SGCD: variants seen among roughly 807,000 people sequenced by gnomAD.
SGCD encodes the protein delta-sarcoglycan.
A neutral mutation model predicts 36.6 loss-of-function variants in SGCD; 18 were observed. That is an observed-to-expected ratio of 0.49 (90% CI 0.34 to 0.73). The LOEUF is 0.73. Among genes scored for constraint, SGCD ranks in the 30% least tolerant of loss-of-function variants. The pLI, the probability that SGCD is intolerant of heterozygous loss-of-function variation, is 0.01. For missense variants in SGCD, 387 were observed against 346.7 expected (o/e 1.12, Z -0.92); for synonymous variants, 133 against 130.6 (o/e 1.02, Z -0.12).
chr5:155,877,145 A>G (rs1166961184), intron 1 of SGCD, among the ~76,000 whole-genome samples: 3 of 152,122 alleles, frequency 2.0e-5, no homozygotes, highest in Non-Finnish European at 4.4e-5. Context: ...CAAATGCTAC[A>G]AGAAGAGGGT....
At chr5:156,482,169 T>C (rs1204085182) in intron 3 of SGCD, among the ~76,000 whole-genome samples, 1 of 152,192 alleles carries the variant, frequency 6.6e-6, no homozygotes, top group Non-Finnish European at 1.5e-5. Context: ...TGTTGGATTC[T>C]AGTGCTATGG....
chr5:156,227,230 T>C (rs1030598546), intron 3 of SGCD, among the ~76,000 whole-genome samples: 1 of 152,164 alleles, frequency 6.6e-6, no homozygotes, highest in African/African-American at 2.4e-5. Flanking sequence ...TTTTATACTT[T>C]GAGGTGTTAG....
the SGCD span, among the ~76,000 whole-genome samples, chr5:155,853,948 C>T: frequency 6.6e-6 from 1 of 152,138 alleles, no homozygotes; most frequent in African/African-American, 2.4e-5. Flanking sequence ...TGAAACACAG[C>T]AAATTTATAG....
chr5:156,266,777 GT>G (rs67300215), intron 3 of SGCD, among the ~76,000 whole-genome samples: 32,732 of 137,576 alleles, frequency 0.24, 3,570 homozygotes, highest in Admixed American at 0.27. Context: ...TGGCCCCACT[GT>G]TTTTTTTTTT....
intron 1 of SGCD, among the ~76,000 whole-genome samples, chr5:156,017,897 C>T (rs988674064): frequency 2.0e-5 from 3 of 152,280 alleles, no homozygotes. Context: ...CAGTGGCTCA[C>T]TCCTGTAATC....
chr5:156,266,347 A>G (rs1455666472), intron 3 of SGCD, among the ~76,000 whole-genome samples: 3 of 152,236 alleles, frequency 2.0e-5, no homozygotes, highest in African/African-American at 4.8e-5. Flanking sequence ...GCAGAATTAA[A>G]AAATGGAAGG....
At chr5:156,335,943 C>T (rs916740510) in intron 2 of SGCD, among the ~76,000 whole-genome samples, 3 of 152,194 alleles carry the variant, frequency 2.0e-5, no homozygotes, top group Non-Finnish European at 4.4e-5. Flanking sequence ...TCCATTCTCG[C>T]TCCTACAACC....
chr5:156,086,045 T>C (rs80224366), intron 1 of SGCD, among the ~76,000 whole-genome samples: 3,082 of 152,346 alleles, frequency 0.02, 44 homozygotes, highest in Non-Finnish European at 0.034. Flanking sequence ...TTTTCTATAG[T>C]TTTCATAGTG....
At chr5:155,922,986 C>A (rs556072589) in intron 1 of SGCD, among the ~76,000 whole-genome samples, 1 of 152,254 alleles carries the variant, frequency 6.6e-6, no homozygotes, top group African/African-American at 2.4e-5. Flanking sequence ...ATTAGCATAA[C>A]CATACAGCAT....
the SGCD span, among the ~76,000 whole-genome samples, chr5:155,771,430 AT>A: frequency 2.2e-3 from 313 of 141,890 alleles, 1 homozygote; most frequent in Middle Eastern, 3.6e-3. Context: ...TTAATTTTTA[AT>A]TTTTTTTTTT....
intron 4 of SGCD, among the ~76,000 whole-genome samples, chr5:156,519,575 C>A (rs1185659185): frequency 6.6e-6 from 1 of 151,980 alleles, no homozygotes; most frequent in African/African-American, 2.4e-5. Flanking sequence ...AAAAAGAAAA[C>A]TTCAGGCCAA....
chr5:156,260,593 G>T (rs1765833465), intron 3 of SGCD, among the ~76,000 whole-genome samples: 1 of 152,108 alleles, frequency 6.6e-6, no homozygotes, highest in African/African-American at 2.4e-5. Context: ...CAAGTAGGTT[G>T]TGTATCCTTT....
chr5:155,745,563 T>C, the SGCD span, among the ~76,000 whole-genome samples: 10 of 152,152 alleles, frequency 6.6e-5, no homozygotes, highest in Non-Finnish European at 1.3e-4. Flanking sequence ...AATATTTTTT[T>C]CTTCAAAAGA....
At chr5:156,124,056 T>C (rs1462434401) in intron 3 of SGCD, 1 of 152,212 alleles carries the variant, frequency 6.6e-6, no homozygotes, top group Non-Finnish European at 1.5e-5. Flanking sequence ...CTAAGACAAA[T>C]GTGAACATTT....
the SGCD span, among the ~76,000 whole-genome samples, chr5:155,812,179 A>AG: frequency 1.3e-5 from 2 of 152,236 alleles, no homozygotes; most frequent in Admixed American, 1.3e-4. Context: ...AGCAGTGGCA[A>AG]GATGAGGGTG....
At chr5:155,757,395 G>A in the SGCD span, among the ~76,000 whole-genome samples, 12 of 152,292 alleles carry the variant, frequency 7.9e-5, no homozygotes, top group Admixed American at 7.8e-4. Context: ...AACAGGTACA[G>A]GCTAAATGTT....
intron 1 of SGCD, among the ~76,000 whole-genome samples, chr5:156,110,964 A>G (rs1761768165): frequency 6.6e-6 from 1 of 152,198 alleles, no homozygotes; most frequent in Admixed American, 6.6e-5. Context: ...TGAGGAGAGA[A>G]GAATGAGAGA....
At chr5:155,925,682 C>T (rs1756981964) in intron 1 of SGCD, among the ~76,000 whole-genome samples, 2 of 152,164 alleles carry the variant, frequency 1.3e-5, no homozygotes, top group African/African-American at 2.4e-5. Context: ...GTGGTATAAT[C>T]ACAGCTTACT....
At chr5:156,147,214 A>T (rs1762725985) in intron 3 of SGCD, among the ~76,000 whole-genome samples, 1 of 152,204 alleles carries the variant, frequency 6.6e-6, no homozygotes, top group Non-Finnish European at 1.5e-5. Context: ...AGTAAGATGT[A>T]TAGGTCTTAG....
Sources: gnomAD v4.1 joint callset for allele counts (sites outside exome capture counted in the v4.1 genomes callset) on GRCh38, gnomAD v4.1.1 for gene constraint, MANE v1.5 for transcripts, NCBI Gene and HGNC (gene_info 2026-07-23, HGNC 2026-07-21) for gene names.